TMEM260: variants seen among roughly 807,000 people sequenced by gnomAD.
The protein encoded by TMEM260 is protein O-mannosyl-transferase TMEM260.
A neutral mutation model predicts 88.9 loss-of-function variants in TMEM260; 82 were observed. The ratio of observed to expected loss-of-function variants is 0.92; its 90% confidence interval spans 0.77 to 1.11. TMEM260 has a LOEUF of 1.11. Ranked by LOEUF, TMEM260 falls within the 50% of genes least tolerant of loss-of-function variation. TMEM260 has a pLI of 0.00. For missense variants in TMEM260, 902 were observed against 853.4 expected (o/e 1.06, Z -0.71); for synonymous variants, 314 against 309.3 (o/e 1.02, Z -0.16).
At chr14:56,625,263 A>G in intron 11 of TMEM260, 119 bp from the exon 12 acceptor site, 1 of 930,256 alleles carries the variant, frequency 1.1e-6, no homozygotes. Context: ...TATATTTTTC[A>G]ATTATATATA....
intron 6 of TMEM260, among the ~76,000 whole-genome samples, chr14:56,611,169 T>C (rs1887249771): frequency 6.6e-6 from 1 of 152,074 alleles, no homozygotes; most frequent in African/African-American, 2.4e-5. Flanking sequence ...GGTTTCACCA[T>C]GTTGGCCAGG....
In TMEM260 at chr14:56,594,805, T is replaced by C. The variant is rs573309241; in HGVS notation, c.344+8893T>C. 4.6e-5 allele frequency among the ~76,000 whole-genome samples: 7 copies of C among 152,346 alleles called. No individual in the cohort carries two copies. In the East Asian group the frequency reaches 1.3e-3, roughly 29 times the overall value. On this transcript the variant is annotated intron_variant, in intron 3 of 15. Transcript: ENST00000261556. Reference sequence around the variant, plus strand: ...TTAAATCAGAAATTTGGACTACCAATTCATTTAATAGTATTGTATGCAAAA... The same window carrying C: ...TTAAATCAGAAATTTGGACTACCAACTCATTTAATAGTATTGTATGCAAAA...
At chr14:56,661,296 A>C in the TMEM260 span, among the ~76,000 whole-genome samples, 3 of 152,026 alleles carry the variant, frequency 2.0e-5, no homozygotes, top group Non-Finnish European at 4.4e-5. Context: ...ATAGGATCTG[A>C]GGTGAGAGGC....
At chr14:56,599,886 A>G (rs1886464053) in intron 3 of TMEM260, among the ~76,000 whole-genome samples, 2 of 152,198 alleles carry the variant, frequency 1.3e-5, no homozygotes, top group African/African-American at 4.8e-5. Flanking sequence ...TATTGTTTAA[A>G]CTGTCTGTCA....
At chr14:56,605,822 T>C (rs1157884882) in intron 5 of TMEM260, 139 bp downstream of exon 5, 1 of 498,164 alleles carries the variant, frequency 2.0e-6, no homozygotes, top group African/African-American at 2.0e-5. Context: ...CCTAACAATA[T>C]TGACTGAAAA....
At chr14:56,636,035 G>A (rs1264623870) in intron 14 of TMEM260, among the ~76,000 whole-genome samples, 1 of 152,132 alleles carries the variant, frequency 6.6e-6, no homozygotes, top group Non-Finnish European at 1.5e-5. Flanking sequence ...CATAAAAGAA[G>A]AAAGAGGTCA....
the TMEM260 span, among the ~76,000 whole-genome samples, chr14:56,657,157 G>A: frequency 3.9e-5 from 6 of 152,168 alleles, no homozygotes; most frequent in African/African-American, 7.2e-5. Context: ...GAGGACTGGC[G>A]TAGGTCAGAA....
chr14:56,608,176 C>A (rs1401381678), intron 5 of TMEM260, among the ~76,000 whole-genome samples: 1 of 152,110 alleles, frequency 6.6e-6, no homozygotes, highest in Non-Finnish European at 1.5e-5. Context: ...TTTGAAAATG[C>A]TAACATAAAT....
chr14:56,627,612 A>G (rs988424563), intron 12 of TMEM260, among the ~76,000 whole-genome samples: 9 of 152,136 alleles, frequency 5.9e-5, no homozygotes, highest in African/African-American at 2.2e-4. Context: ...AAAATTACTA[A>G]CTCAAAGGAC....
chr14:56,599,516 T>C (rs60532296), intron 3 of TMEM260, among the ~76,000 whole-genome samples: 2,507 of 152,296 alleles, frequency 0.016, 73 homozygotes, highest in African/African-American at 0.057. Flanking sequence ...TTATCTCAAC[T>C]TCTTCATCCA....
Position 56,609,145 on chromosome 14 carries a change from T to G in TMEM260, c.676T>G (p.Phe226Val). Reference sequence around the variant, plus strand: ...CTCTTTGTTGAAGTTGAGCCTGTACTTCTCTGCTGGTTTGCTGCCCTATGT... The same window carrying G: ...CTCTTTGTTGAAGTTGAGCCTGTACGTCTCTGCTGGTTTGCTGCCCTATGT... The part of the protein sequence containing the change: ...LGSLLKLSLY[F>V]SAGLLPYVHL... The change falls in exon 6 of 16, where the codon TTC becomes GTC. Residue 226 changes from phenylalanine to valine, a missense_variant. By Grantham distance (50) the Phe-to-Val change is conservative. Coordinates refer to ENST00000261556, the MANE Select transcript of TMEM260 (RefSeq NM_017799.4). 1.2e-6 allele frequency: 2 copies of G among 1,614,226 alleles called. No individual in the cohort carries two copies. The highest frequency in any genetic ancestry group is 1.7e-6 in the Non-Finnish European group (2 of 1,180,036).
rs1321764885 is a variant in TMEM260, at chr14:56,588,071, C to CT, written c.344+2161dup. 2.9e-4 allele frequency among the ~76,000 whole-genome samples: 44 copies of CT among 152,060 alleles called. 1 individual carries two copies. The highest frequency in any genetic ancestry group is 3.7e-4 in the Non-Finnish European group (25 of 67,922). ...GTACAATAAATGTGTTTCTTTGCAG[C>CT]TTGACTCCCTTATCAGAATTTGTTT... On this transcript the variant is annotated intron_variant, in intron 3 of 15. Transcript: ENST00000261556.
At chr14:56,637,435 T>C (rs555679186) in intron 15 of TMEM260, among the ~76,000 whole-genome samples, 16 of 152,304 alleles carry the variant, frequency 1.1e-4, no homozygotes, top group African/African-American at 3.8e-4. Context: ...CTGAAGGTCT[T>C]GCACAAATCG....
downstream of TMEM260, among the ~76,000 whole-genome samples, chr14:56,653,428 C>T (rs116407260): frequency 0.01 from 1,542 of 151,802 alleles, 16 homozygotes; most frequent in African/African-American, 0.036. Flanking sequence ...TTGAAAGTCA[C>T]TGGCTTAGAA....
chr14:56,632,223 AG>A (rs1888662802), intron 12 of TMEM260, among the ~76,000 whole-genome samples: 1 of 152,208 alleles, frequency 6.6e-6, no homozygotes, highest in Non-Finnish European at 1.5e-5. Flanking sequence ...TTCTCTAGCC[AG>A]AAAGCTGGGG....
rs761941988 is a variant in TMEM260 at position 56,647,172 on chromosome 14, G to GT, written c.1870-64dup. 5.0e-5 allele frequency: 74 copies of GT among 1,492,840 alleles called. No individual in the cohort carries two copies. The African/African-American group carries it at 6.9e-4, about 14-fold the overall frequency. The allele number at this position is 1,492,840 out of a possible 1,614,324, so 92.5% of individuals were successfully genotyped here. Reference sequence around the variant, plus strand: ...TTTTTCTTGTTATTAATTCCTCTGTGTTTTTTTGTTTTTGAAAAAAAAAAA... The same window carrying GT: ...TTTTTCTTGTTATTAATTCCTCTGTGTTTTTTTTGTTTTTGAAAAAAAAAAA... On this transcript the variant is annotated intron_variant, in intron 15 of 15. Coordinates refer to ENST00000261556, the MANE Select transcript of TMEM260 (RefSeq NM_017799.4).
rs191171394 is a variant in TMEM260, at chr14:56,643,338, T to G, written c.1870-3905T>G. Reference sequence around the variant, plus strand: ...GATCAAGTGGGCTTCATCCCTGGGATGCAAGGCTGGTTCAACATACGCAAA... The same window carrying G: ...GATCAAGTGGGCTTCATCCCTGGGAGGCAAGGCTGGTTCAACATACGCAAA... On this transcript the variant is annotated intron_variant, in intron 15 of 15. Coordinates refer to ENST00000261556, the MANE Select transcript of TMEM260 (RefSeq NM_017799.4). 1.1e-4 allele frequency among the ~76,000 whole-genome samples: 16 copies of G among 152,322 alleles called. No homozygotes were observed. The East Asian group carries it at 3.1e-3, about 29-fold the overall frequency.
intron 15 of TMEM260, among the ~76,000 whole-genome samples, chr14:56,644,653 G>A (rs1889832353): frequency 6.6e-6 from 1 of 152,116 alleles, no homozygotes; most frequent in Non-Finnish European, 1.5e-5. Context: ...TTGACAAATG[G>A]GATCTAATTA....
chr14:56,652,350 T>C (rs1329017457), downstream of TMEM260, among the ~76,000 whole-genome samples: 1 of 151,912 alleles, frequency 6.6e-6, no homozygotes, highest in Non-Finnish European at 1.5e-5. Context: ...ATACAAAAAT[T>C]AGCAGGGCAA....
Sources: allele counts gnomAD v4.1 joint callset (sites outside exome capture counted in the v4.1 genomes callset), GRCh38; gene constraint gnomAD v4.1.1; transcripts MANE v1.5; gene names NCBI Gene and HGNC (gene_info 2026-07-23, HGNC 2026-07-21).